Variants in PCLO observed in about 807,000 individuals in gnomAD.
PCLO encodes the protein piccolo presynaptic cytomatrix protein.
In PCLO, 82 loss-of-function variants were observed where a neutral mutation model predicts 427.5. The observed-to-expected ratio is 0.19, with a 90% CI of 0.16 to 0.23. The LOEUF (loss-of-function observed/expected upper bound fraction) is 0.23, where lower values mean the gene tolerates loss of function less well. PCLO is among the 10% of genes least tolerant of loss of function. The pLI, the probability that PCLO is intolerant of heterozygous loss-of-function variation, is 1.00. For synonymous variants in PCLO, 2,357 were observed against 2,155.4 expected (o/e 1.09, Z -2.59); for missense variants, 6,239 against 6,115.9 (o/e 1.02, Z -0.67).
intron 3 of PCLO, among the ~76,000 whole-genome samples, chr7:82,968,953 A>C (rs1584235377): frequency 6.6e-6 from 1 of 152,208 alleles, no homozygotes; most frequent in East Asian, 1.9e-4. Flanking sequence ...AATATAAATA[A>C]GTTAGAAAAT....
chr7:83,039,007 G>A (rs1477381645), intron 3 of PCLO, among the ~76,000 whole-genome samples: 1 of 151,854 alleles, frequency 6.6e-6, no homozygotes, highest in African/African-American at 2.4e-5. Context: ...GCATTTATTG[G>A]CCATTTGTTT....
chr7:82,796,842 C>G (rs148481585), intron 22 of PCLO, among the ~76,000 whole-genome samples: 2 of 147,586 alleles, frequency 1.4e-5, no homozygotes, highest in African/African-American at 5.0e-5. Context: ...TCCCTCAGAT[C>G]AGTATATGTA....
At chr7:82,982,188 T>G (rs1457368524) in intron 3 of PCLO, among the ~76,000 whole-genome samples, 2 of 152,084 alleles carry the variant, frequency 1.3e-5, no homozygotes, top group South Asian at 4.2e-4. Flanking sequence ...AGAAGCATGG[T>G]TGCTTATCAC....
chr7:83,029,186 A>C (rs1303820466), intron 3 of PCLO, among the ~76,000 whole-genome samples: 1 of 150,152 alleles, frequency 6.7e-6, no homozygotes, highest in African/African-American at 2.4e-5. Context: ...ACAAAATGGG[A>C]GAAAATTTTC....
intron 2 of PCLO, among the ~76,000 whole-genome samples, chr7:83,150,652 T>A (rs1258579707): frequency 6.6e-6 from 1 of 152,104 alleles, no homozygotes; most frequent in Non-Finnish European, 1.5e-5. Flanking sequence ...CTGGTAGTCA[T>A]TACAGAGCCA....
rs531421440 is a variant in PCLO at position 82,945,072 on chromosome 7, C to T, written c.11112+4404G>A. Among the ~76,000 whole-genome samples the T allele has an allele frequency of 3.0e-4, 46 of 152,146 alleles. 2 individuals carry two copies. In the South Asian group the frequency reaches 8.7e-3, roughly 29 times the overall value. On this transcript the variant is annotated intron_variant, in intron 6 of 24. Coordinates refer to ENST00000333891, the MANE Select transcript of PCLO (RefSeq NM_033026.6). Reference sequence around the variant, plus strand: ...TACTAAGTCATACCTAGGGAGCAAGCTTAAACCCAGAAGAAATAAATTCTG... The same window carrying T: ...TACTAAGTCATACCTAGGGAGCAAGTTTAAACCCAGAAGAAATAAATTCTG...
At chr7:82,764,455 A>C (rs1317981779) in intron 22 of PCLO, among the ~76,000 whole-genome samples, 1 of 151,982 alleles carries the variant, frequency 6.6e-6, no homozygotes, top group African/African-American at 2.4e-5. Flanking sequence ...TATCTATTAT[A>C]TCACTAAACA....
chr7:82,781,115 AAATT>A lies in PCLO; in HGVS notation c.15008-19626_15008-19623del, dbSNP rs1346686065. ...ATAAGCAGTAATTTTGAAAATAAAT[AAATT>A]AATAAAAAATCAATAGATTTAAAAA... On this transcript the variant is annotated intron_variant, in intron 22 of 24. Transcript: ENST00000333891. 3.9e-5 allele frequency among the ~76,000 whole-genome samples: 6 copies of A among 152,146 alleles called. 1 individual carries two copies. The South Asian group carries it at 8.3e-4, about 21-fold the overall frequency.
intron 3 of PCLO, among the ~76,000 whole-genome samples, chr7:83,036,944 G>C (rs113026217): frequency 1.3e-5 from 2 of 151,994 alleles, no homozygotes; most frequent in Non-Finnish European, 2.9e-5. Context: ...TGATTTATGG[G>C]ATCAATGTAA....
intron 22 of PCLO, among the ~76,000 whole-genome samples, chr7:82,800,453 ATATGT>A (rs1791322753): frequency 6.6e-6 from 1 of 152,106 alleles, no homozygotes; most frequent in African/African-American, 2.4e-5. Context: ...TAAAGCCAAT[ATATGT>A]TATTAGTTAC....
At chr7:82,895,175 G>C (rs73171357) in intron 9 of PCLO, among the ~76,000 whole-genome samples, 6,806 of 151,892 alleles carry the variant, frequency 0.045, 211 homozygotes, top group Non-Finnish European at 0.066. Flanking sequence ...ATCAAGAGCA[G>C]AAAGAGACTG....
Position 83,155,130 on chromosome 7 carries a change from G to T in PCLO, c.1511C>A (p.Pro504His), listed in dbSNP as rs748966626. ...TTGAGGTGGGGGTTTTGTTGAGCCA[G>T]GCTGTTGAGATGGGGGCTTTGCTGA... is the stretch of plus-strand genomic sequence containing the variant. ...PGSAKPPSQQ[P>H]GSTKPPPQQP... The change falls in exon 2 of 25, where the codon CCT (proline) becomes CAT (histidine). Residue 504 changes from proline to histidine, a missense_variant. Pro to His is a moderately conservative substitution (Grantham distance 77). Transcript: ENST00000333891. 28 of 1,512,864 alleles carry T rather than the reference G, an allele frequency of 1.9e-5. No homozygotes were observed. The Admixed American group carries it at 5.0e-4, about 27-fold the overall frequency. The allele number at this position is 1,512,864 out of a possible 1,614,324, so 93.7% of individuals were successfully genotyped here. A position where few individuals can be genotyped will look rare whatever the true frequency, so the allele number is the denominator to read the frequency against.
At chr7:82,890,625 A>G (rs941853979) in intron 9 of PCLO, among the ~76,000 whole-genome samples, 2 of 151,974 alleles carry the variant, frequency 1.3e-5, no homozygotes, top group African/African-American at 4.8e-5. Context: ...ATTAAGGTAG[A>G]AGATGAGAAT....
chr7:83,101,190 A>C (rs1584026154), intron 3 of PCLO, among the ~76,000 whole-genome samples: 1 of 151,992 alleles, frequency 6.6e-6, no homozygotes, highest in African/African-American at 2.4e-5. Flanking sequence ...AAAGGAACAT[A>C]ATCAATTTCA....
intron 3 of PCLO, among the ~76,000 whole-genome samples, chr7:83,129,140 T>C (rs1791510898): frequency 6.6e-6 from 1 of 152,172 alleles, no homozygotes; most frequent in African/African-American, 2.4e-5. Context: ...AACTATACCT[T>C]TGTGGCTTGA....
At chr7:83,009,514 G>C (rs1461507672) in intron 3 of PCLO, among the ~76,000 whole-genome samples, 1 of 151,766 alleles carries the variant, frequency 6.6e-6, no homozygotes, top group East Asian at 1.9e-4. Flanking sequence ...GCTTTTCAAA[G>C]AGAAATTTTT....
rs760422616 is a variant in PCLO, at chr7:83,134,628, A to G, written c.2922T>C (p.Pro974=). 7 of 1,613,806 alleles carry G rather than the reference A, an allele frequency of 4.3e-6. No homozygotes were observed. In the East Asian group the frequency reaches 1.1e-4, roughly 26 times the overall value. ...MKQAPAPSQP[P]TSQGPPKSTG... The stretch of plus-strand genomic sequence containing the variant: ...TGGATTTGGGTGGCCCTTGTGAAGT[A>G]GGTGGCTGTGAAGGGGCAGGGGCTT... Residue 974 remains proline (P), a synonymous_variant, in exon 3 of 25, where the codon CCT becomes CCC. Transcript: ENST00000333891.
chr7:83,122,774 G>C (rs1161385763), intron 3 of PCLO, among the ~76,000 whole-genome samples: 3 of 152,096 alleles, frequency 2.0e-5, no homozygotes, highest in African/African-American at 7.2e-5. Flanking sequence ...AATTAGAATT[G>C]ACAATGTCAG....
intron 16 of PCLO, among the ~76,000 whole-genome samples, chr7:82,834,742 T>C (rs1792184228): frequency 6.6e-6 from 1 of 152,180 alleles, no homozygotes; most frequent in East Asian, 1.9e-4. Flanking sequence ...GACAGTGTAA[T>C]GATGCAACTT....
Sources: gnomAD v4.1 joint callset for allele counts (sites outside exome capture counted in the v4.1 genomes callset) on GRCh38, gnomAD v4.1.1 for gene constraint, MANE v1.5 for transcripts, NCBI Gene and HGNC (gene_info 2026-07-23, HGNC 2026-07-21) for gene names.